Variants in KCNQ1OT1 observed in about 807,000 individuals in gnomAD.
The protein encoded by KCNQ1OT1 is KCNQ1 antisense RNA 2 (non-protein coding).
At chr11:2,667,867 T>C in exon 1 of KCNQ1OT1, 1 of 398,602 alleles carries the variant, frequency 2.5e-6, no homozygotes, top group Non-Finnish European at 4.4e-6. Flanking sequence ...GCACACAGAT[T>C]AGTACACAGG....
In KCNQ1OT1 at chr11:2,692,962, G is replaced by A. The variant is rs1421795290; in HGVS notation, n.7033C>T. 5.8e-5 allele frequency: 23 copies of A among 398,514 alleles called. No homozygotes were observed. The Admixed American group carries it at 9.2e-4, about 16-fold the overall frequency. The allele number at this position is 398,514 out of a possible 1,614,324, so 24.7% of individuals were successfully genotyped here. On this transcript the variant is annotated non_coding_transcript_exon_variant, in exon 1 of 1. Coordinates refer to ENST00000597346, the Ensembl canonical transcript of KCNQ1OT1. ...GTCCTGCCCATACGCTCAATAATGA[G>A]GCCCACTGAACTCTCCTGGTTTCCA...
At position 2,623,696 on chromosome 11, in the gene KCNQ1OT1, A is replaced by G. The variant is rs1396842591; in HGVS notation, n.76299T>C. Reference sequence around the variant, plus strand: ...ATGGAAGGACATCTCGGTTGCTTCCAATTTCAACAATCACAAATAAAGCTT... The same window carrying G: ...ATGGAAGGACATCTCGGTTGCTTCCGATTTCAACAATCACAAATAAAGCTT... On this transcript the variant is annotated non_coding_transcript_exon_variant, in exon 1 of 1. Coordinates refer to ENST00000597346, the Ensembl canonical transcript of KCNQ1OT1. This position sits in a 1 kb window ranked among gnomAD's most constrained non-coding sequence, Gnocchi z 5.2. 3 of 398,436 alleles carry G rather than the reference A, an allele frequency of 7.5e-6. No homozygotes were observed. The highest frequency in any genetic ancestry group is 1.3e-5 in the Non-Finnish European group (3 of 226,040). 24.7% of individuals were successfully genotyped at this position (398,436 alleles called of 1,614,324 possible).
chr11:2,688,297 C>T lies in KCNQ1OT1; in HGVS notation n.11698G>A, dbSNP rs80113149. On this transcript the variant is annotated non_coding_transcript_exon_variant, in exon 1 of 1. Transcript: ENST00000597346. ...TCTGTTTAGACAAGGAAAATGAAGA[C>T]TCTGGAAAATCTAAGCACGTCACAC... 2.9e-3 allele frequency: 1,165 copies of T among 398,742 alleles called. 13 individuals carry two copies. Among genetic ancestry groups the T allele is most frequent in the African/African-American group, 0.021 (1,027 of 48,766 alleles). 24.7% of individuals were successfully genotyped at this position (398,742 alleles called of 1,614,324 possible). A position where few individuals can be genotyped will look rare whatever the true frequency, so the allele number is the denominator to read the frequency against.
At position 2,642,008 on chromosome 11, in the gene KCNQ1OT1, A is replaced by C; in HGVS notation, n.57987T>G. On this transcript the variant is annotated non_coding_transcript_exon_variant, in exon 1 of 1. Transcript: ENST00000597346. This position sits in a 1 kb window ranked among gnomAD's most constrained non-coding sequence, Gnocchi z 4.3. ...GTCTATCAGTTTTTATTCCAATACCATGCTGCTTTTAATGCTATAGCCTTA... is the reference window on the plus strand; with the variant it reads ...GTCTATCAGTTTTTATTCCAATACCCTGCTGCTTTTAATGCTATAGCCTTA... The C allele has an allele frequency of 2.5e-6, 1 of 398,406 alleles. No individual in the cohort carries two copies. The highest frequency in any genetic ancestry group is 4.4e-6 in the Non-Finnish European group (1 of 225,940). The allele number at this position is 398,406 out of a possible 1,614,324, so 24.7% of individuals were successfully genotyped here.
exon 1 of KCNQ1OT1, chr11:2,667,017 C>T (rs771085467): frequency 5.5e-5 from 22 of 398,710 alleles, no homozygotes; most frequent in Middle Eastern, 6.3e-4. Flanking sequence ...ATAGGATCCC[C>T]GTCAGAGCCC....
rs1180457891 is a variant in KCNQ1OT1 at position 2,620,536 on chromosome 11, C to G, written n.79459G>C. ...TGGCCGAATTCATTCATTTTTATGG[C>G]TGCATAGTATTCCATGGTGTACATG... is the stretch of plus-strand genomic sequence containing the variant. On this transcript the variant is annotated non_coding_transcript_exon_variant, in exon 1 of 1. Coordinates refer to ENST00000597346, the Ensembl canonical transcript of KCNQ1OT1. This position sits in a 1 kb window ranked among gnomAD's most constrained non-coding sequence, Gnocchi z 4.5. 4.6e-5 allele frequency: 18 copies of G among 393,632 alleles called. No homozygotes were observed. The highest frequency in any genetic ancestry group is 7.2e-5 in the Non-Finnish European group (16 of 223,612). 24.4% of individuals were successfully genotyped at this position (393,632 alleles called of 1,614,324 possible).
At position 2,691,378 on chromosome 11, in the gene KCNQ1OT1, G is replaced by C. The variant is rs1223297003; in HGVS notation, n.8617C>G. 3 of 398,518 alleles carry C rather than the reference G, an allele frequency of 7.5e-6. No individual in the cohort carries two copies. The highest frequency in any genetic ancestry group is 1.3e-5 in the Non-Finnish European group (3 of 226,088). 24.7% of individuals were successfully genotyped at this position (398,518 alleles called of 1,614,324 possible). A position where few individuals can be genotyped will look rare whatever the true frequency, so the allele number is the denominator to read the frequency against. On this transcript the variant is annotated non_coding_transcript_exon_variant, in exon 1 of 1. Coordinates refer to ENST00000597346, the Ensembl canonical transcript of KCNQ1OT1. The surrounding 1 kb of genome is among the most constrained non-coding windows in gnomAD (Gnocchi z 6.4). ...CCTGACATCTTGGGCTCAGGCCTCT[G>C]GGTCTGGGCATAGAAGCCCAGGAAC...
Position 2,612,144 on chromosome 11 carries a change from A to C in KCNQ1OT1, n.87851T>G, listed in dbSNP as rs1488331793. 3 of 398,544 alleles carry C rather than the reference A, an allele frequency of 7.5e-6. No individual in the cohort carries two copies. In the South Asian group the frequency reaches 3.8e-4, roughly 51 times the overall value. The allele number at this position is 398,544 out of a possible 1,614,324, so 24.7% of individuals were successfully genotyped here. A position where few individuals can be genotyped will look rare whatever the true frequency, so the allele number is the denominator to read the frequency against. The stretch of plus-strand genomic sequence containing the variant: ...ATGGACTGGTACCAGTCTGTGGCCT[A>C]TTAGAAACTGGGCTACACAGCAGGA... On this transcript the variant is annotated non_coding_transcript_exon_variant, in exon 1 of 1. Transcript: ENST00000597346. The surrounding 1 kb of genome is among the most constrained non-coding windows in gnomAD (Gnocchi z 5.5).
rs1850155440 is a variant in KCNQ1OT1 at position 2,670,206 on chromosome 11, C to T, written n.29789G>A. ...CATTAAAGCAGAGTGAAGAGCAGGG[C>T]GAGCTGTGTAGCTCACCTGCCTTTG... On this transcript the variant is annotated non_coding_transcript_exon_variant, in exon 1 of 1. Coordinates refer to ENST00000597346, the Ensembl canonical transcript of KCNQ1OT1. This position sits in a 1 kb window ranked among gnomAD's most constrained non-coding sequence, Gnocchi z 4.9. 1.8e-5 allele frequency: 7 copies of T among 398,454 alleles called. No homozygotes were observed. The highest frequency in any genetic ancestry group is 1.3e-4 in the South Asian group (1 of 7,850). 24.7% of individuals were successfully genotyped at this position (398,454 alleles called of 1,614,324 possible).
At chr11:2,662,466 G>A (rs549567599) in exon 1 of KCNQ1OT1, 42 of 461,826 alleles carry the variant, frequency 9.1e-5, no homozygotes, top group Middle Eastern at 5.6e-4. Context: ...GGCAGATGCC[G>A]GGTGCAGTCT....
rs1026394085 is a variant in KCNQ1OT1, at chr11:2,613,945, A to G, written n.86050T>C. ...TGCCCTTTTGAACTTTGCTTTTCTCACCTAACAACATCTCCTAGAAATCAC... is the reference window on the plus strand; with the variant it reads ...TGCCCTTTTGAACTTTGCTTTTCTCGCCTAACAACATCTCCTAGAAATCAC... On this transcript the variant is annotated non_coding_transcript_exon_variant, in exon 1 of 1. Coordinates refer to ENST00000597346, the Ensembl canonical transcript of KCNQ1OT1. The surrounding 1 kb of genome is among the most constrained non-coding windows in gnomAD (Gnocchi z 4.8). 1.3e-5 allele frequency: 5 copies of G among 398,420 alleles called. No individual in the cohort carries two copies. Among genetic ancestry groups the G allele is most frequent in the African/African-American group, 1.0e-4 (5 of 48,604 alleles). The allele number at this position is 398,420 out of a possible 1,614,324, so 24.7% of individuals were successfully genotyped here. A position where few individuals can be genotyped will look rare whatever the true frequency, so the allele number is the denominator to read the frequency against.
In KCNQ1OT1 at chr11:2,621,960, G is replaced by C. The variant is rs1849180676; in HGVS notation, n.78035C>G. On this transcript the variant is annotated non_coding_transcript_exon_variant, in exon 1 of 1. Transcript: ENST00000597346. The surrounding 1 kb of genome is among the most constrained non-coding windows in gnomAD (Gnocchi z 5.7). ...TTCTAATTCCTTGAGGTACAATTTT[G>C]GGCTATTTGAAATATCTCTTCTTTT... The C allele has an allele frequency of 2.5e-6, 1 of 397,790 alleles. No individual in the cohort carries two copies. Among genetic ancestry groups the C allele is most frequent in the African/African-American group, 2.1e-5 (1 of 48,482 alleles). 24.6% of individuals were successfully genotyped at this position (397,790 alleles called of 1,614,324 possible).
In KCNQ1OT1 at chr11:2,677,147, G is replaced by A. The variant is rs944793267; in HGVS notation, n.22848C>T. ...GAAACATCCCTCCCTATTGAACACT[G>A]TTGTTTCTCCCTATCCATCTTATCC... On this transcript the variant is annotated non_coding_transcript_exon_variant, in exon 1 of 1. Transcript: ENST00000597346. This position sits in a 1 kb window ranked among gnomAD's most constrained non-coding sequence, Gnocchi z 4.5. 6 of 398,410 alleles carry A rather than the reference G, an allele frequency of 1.5e-5. No homozygotes were observed. Among genetic ancestry groups the A allele is most frequent in the African/African-American group, 1.0e-4 (5 of 48,596 alleles). 24.7% of individuals were successfully genotyped at this position (398,410 alleles called of 1,614,324 possible).
In KCNQ1OT1 at chr11:2,616,223, GT is replaced by G. The variant is rs138326980; in HGVS notation, n.83771del. 2.6e-4 allele frequency: 101 copies of G among 386,378 alleles called. 1 individual carries two copies. The highest frequency in any genetic ancestry group is 1.2e-3 in the African/African-American group (55 of 46,384). 23.9% of individuals were successfully genotyped at this position (386,378 alleles called of 1,614,324 possible). Reference sequence around the variant, plus strand: ...ACTTTTGTTTTTTTTTCTTATTTTTGTTTTTTTTTGTTGTGTTCCTACTTTT... The same window carrying G: ...ACTTTTGTTTTTTTTTCTTATTTTTGTTTTTTTTGTTGTGTTCCTACTTTT... On this transcript the variant is annotated non_coding_transcript_exon_variant, in exon 1 of 1. Transcript: ENST00000597346.
exon 1 of KCNQ1OT1, chr11:2,643,348 T>C: frequency 2.5e-6 from 1 of 398,416 alleles, no homozygotes; most frequent in Admixed American, 4.4e-5. Flanking sequence ...TGGTGTTGGG[T>C]GCATATATGT....
In KCNQ1OT1 at chr11:2,669,600, G is replaced by T; in HGVS notation, n.30395C>A. On this transcript the variant is annotated non_coding_transcript_exon_variant, in exon 1 of 1. Coordinates refer to ENST00000597346, the Ensembl canonical transcript of KCNQ1OT1. The surrounding 1 kb of genome is among the most constrained non-coding windows in gnomAD (Gnocchi z 5.6). ...ATTTCATCCTGCCCACAGGACACTG[G>T]GGCAGTCACCTAATCTCTATCAGCC... The T allele has an allele frequency of 2.5e-6, 1 of 398,550 alleles. No homozygotes were observed. The highest frequency in any genetic ancestry group is 4.4e-6 in the Non-Finnish European group (1 of 226,074). 24.7% of individuals were successfully genotyped at this position (398,550 alleles called of 1,614,324 possible). A position where few individuals can be genotyped will look rare whatever the true frequency, so the allele number is the denominator to read the frequency against.
chr11:2,641,031 T>C, exon 1 of KCNQ1OT1: 1 of 398,552 alleles, frequency 2.5e-6, no homozygotes, highest in Non-Finnish European at 4.4e-6. Context: ...TTCCATTGTA[T>C]ATATTTACCT....
rs898408018 is a variant in KCNQ1OT1 at position 2,685,958 on chromosome 11, C to T, written n.14037G>A. The T allele has an allele frequency of 5.8e-5, 23 of 398,660 alleles. 1 individual carries two copies. The highest frequency in any genetic ancestry group is 1.3e-4 in the South Asian group (1 of 7,868). The allele number at this position is 398,660 out of a possible 1,614,324, so 24.7% of individuals were successfully genotyped here. ...TCTCCCATCCTCCTGCTGGGTCACA[C>T]GGATGAGGCCTGTACACTCTGGGCC... On this transcript the variant is annotated non_coding_transcript_exon_variant, in exon 1 of 1. Coordinates refer to ENST00000597346, the Ensembl canonical transcript of KCNQ1OT1.
At chr11:2,631,460 T>A in exon 1 of KCNQ1OT1, 2 of 398,080 alleles carry the variant, frequency 5.0e-6, no homozygotes, top group Non-Finnish European at 8.8e-6. Context: ...CTTTATTGAA[T>A]GTCTCCTTTT....
Sources: gnomAD v4.1 joint callset for allele counts on GRCh38, gnomAD v4.1.1 for gene constraint, Gnocchi (gnomAD v3.1) non-coding constraint, MANE v1.5 for transcripts, NCBI Gene and HGNC (gene_info 2026-07-23, HGNC 2026-07-21) for gene names.